Variants in ACAA2 observed in about 807,000 individuals in gnomAD.
ACAA2 encodes 3-ketoacyl-CoA thiolase, mitochondrial.
ACAA2 carries 35 observed loss-of-function variants against 44.8 expected under a neutral mutation model. The observed-to-expected ratio is 0.78, with a 90% CI of 0.60 to 1.04. ACAA2 has a LOEUF of 1.04. Among genes scored for constraint, ACAA2 ranks in the 50% least tolerant of loss-of-function variants. The pLI is 0.00. For synonymous variants in ACAA2, 142 were observed against 166.5 expected, an observed-to-expected ratio of 0.85 and a Z score of 1.13; for missense variants, 468 against 482.6, an observed-to-expected ratio of 0.97 and a Z score of 0.28.
In ACAA2 at chr18:49,789,943, C is replaced by A. The variant is rs575970475; in HGVS notation, c.883+1527G>T. ...CTCCAGCCTGGGTGACAAAGCGAGACTCTGTGTCAAAAACAAAAAACAAAA... is the reference window on the plus strand; with the variant it reads ...CTCCAGCCTGGGTGACAAAGCGAGAATCTGTGTCAAAAACAAAAAACAAAA... On this transcript the variant is annotated intron_variant, in intron 7 of 9. Transcript: ENST00000285093. Among the ~76,000 whole-genome samples the A allele has an allele frequency of 3.3e-5, 5 of 151,190 alleles. No individual in the cohort carries two copies. The South Asian group carries it at 1.0e-3, about 32-fold the overall frequency.
In ACAA2 at chr18:49,791,499, G is replaced by A; in HGVS notation, c.854C>T (p.Ser285Phe). Residue 285 changes from serine to phenylalanine, a missense_variant, in exon 7 of 10, where the codon TCT (serine) becomes TTT (phenylalanine). Coordinates refer to ENST00000285093, the MANE Select transcript of ACAA2 (RefSeq NM_006111.3). ...PLARIVGYFV[S>F]GCDPSIMGIG... ...ACCCATGATAGAGGGATCACATCCA[G>A]ATACAAAGTAGCCCACAATTCTTGC... is the stretch of plus-strand genomic sequence containing the variant. 1 of 1,612,128 alleles carries A rather than the reference G, an allele frequency of 6.2e-7. No homozygotes were observed. The highest frequency in any genetic ancestry group is 8.5e-7 in the Non-Finnish European group (1 of 1,179,770).
intron 7 of ACAA2, among the ~76,000 whole-genome samples, chr18:49,787,690 A>G (rs1030067147): frequency 6.6e-6 from 1 of 152,184 alleles, no homozygotes; most frequent in Admixed American, 6.5e-5. Flanking sequence ...ACCAAGGTGA[A>G]AAGTTGTTTA....
chr18:49,783,994 T>G lies in ACAA2; in HGVS notation c.1110-63A>C, dbSNP rs552185877. On this transcript the variant is annotated intron_variant, in intron 9 of 9. Coordinates refer to ENST00000285093, the MANE Select transcript of ACAA2 (RefSeq NM_006111.3). ...AAAAATCAGATTAATGAAATAGAAC[T>G]AATAACATCACATCTGCATTACTCA... The G allele has an allele frequency of 3.1e-6, 4 of 1,306,560 alleles. No homozygotes were observed. The Admixed American group carries it at 5.2e-5, about 17-fold the overall frequency. 80.9% of individuals were successfully genotyped at this position (1,306,560 alleles called of 1,614,324 possible).
At chr18:49,787,538 A>G (rs1166444830) in intron 7 of ACAA2, among the ~76,000 whole-genome samples, 177 bp from the exon 8 acceptor site, 1 of 152,116 alleles carries the variant, frequency 6.6e-6, no homozygotes, top group African/African-American at 2.4e-5. Context: ...AGAGGCAGAA[A>G]AAGGGCCCAG....
chr18:49,799,613 T>C (rs1398470173), intron 2 of ACAA2, among the ~76,000 whole-genome samples: 2 of 152,230 alleles, frequency 1.3e-5, no homozygotes, highest in East Asian at 1.9e-4. Flanking sequence ...AGTGCCGAGA[T>C]TGCAGCCTCT....
intron 5 of ACAA2, 115 bp downstream of exon 5, chr18:49,794,165 G>A (rs1410123107): frequency 6.4e-6 from 5 of 775,724 alleles, no homozygotes; most frequent in Non-Finnish European, 5.4e-6. Flanking sequence ...ATGAAAAGAT[G>A]TAATAATTCT....
At chr18:49,785,518 A>C (rs977572738) in intron 8 of ACAA2, 167 bp from the exon 9 acceptor site, 32 of 660,296 alleles carry the variant, frequency 4.8e-5, no homozygotes, top group African/African-American at 4.8e-4. Context: ...ATCAGGTTTA[A>C]AATGTGTATA....
At chr18:49,787,413 A>ATATT in intron 7 of ACAA2, 52 bp from the exon 8 acceptor site, 1 of 1,215,942 alleles carries the variant, frequency 8.2e-7, no homozygotes, top group East Asian at 3.0e-5. Context: ...ATGTCATCTT[A>ATATT]TATTTACGTA....
intron 3 of ACAA2, 110 bp from the exon 4 acceptor site, chr18:49,795,991 T>TA: frequency 4.6e-6 from 3 of 653,852 alleles, no homozygotes; most frequent in African/African-American, 1.9e-5. Context: ...TATTGTACTG[T>TA]AGCTTACAGT....
In ACAA2 at chr18:49,787,281, A is replaced by AAAC. The variant is rs771451924; in HGVS notation, c.954+7_954+9dup. 5 of 1,465,368 alleles carry AAAC rather than the reference A, an allele frequency of 3.4e-6. No individual in the cohort carries two copies. The highest frequency in any genetic ancestry group is 4.5e-6 in the Non-Finnish European group (5 of 1,116,112). 90.8% of individuals were successfully genotyped at this position (1,465,368 alleles called of 1,614,324 possible). A position where few individuals can be genotyped will look rare whatever the true frequency, so the allele number is the denominator to read the frequency against. On this transcript the variant is annotated intron_variant, in intron 8 of 9. Transcript: ENST00000285093. ...TTGTTAAAAAAAAAAAAAAAAAAAA[A>AAAC]AACACTTACCTCTACCAAATCCATG...
chr18:49,806,602 A>T (rs1186625100), intron 1 of ACAA2, among the ~76,000 whole-genome samples: 5 of 152,246 alleles, frequency 3.3e-5, no homozygotes, highest in Admixed American at 3.3e-4. Context: ...TCATAATATA[A>T]TTCAAAGTTA....
At chr18:49,784,928 G>A (rs939901313) in intron 9 of ACAA2, among the ~76,000 whole-genome samples, 1 of 152,126 alleles carries the variant, frequency 6.6e-6, no homozygotes, top group Non-Finnish European at 1.5e-5. Context: ...TGCTCATGCA[G>A]TGAACACAAG....
chr18:49,795,437 T>C (rs886259587), intron 4 of ACAA2, among the ~76,000 whole-genome samples: 1 of 152,204 alleles, frequency 6.6e-6, no homozygotes, highest in Non-Finnish European at 1.5e-5. Flanking sequence ...GTAGTGAGAT[T>C]AATTCACTCT....
chr18:49,800,931 A>G (rs1431352153), intron 2 of ACAA2, among the ~76,000 whole-genome samples: 2 of 151,714 alleles, frequency 1.3e-5, no homozygotes, highest in African/African-American at 4.8e-5. Flanking sequence ...CATCATATGT[A>G]AAGTTGAAAG....
Position 49,783,656 on chromosome 18 carries a change from G to A in ACAA2, c.*191C>T, listed in dbSNP as rs1179052186. ...TCATATTTCACTGGTTCAAATCTGA[G>A]AGAATGTACTTCTAGCATGGGCTCC... On this transcript the variant is annotated 3_prime_UTR_variant, in exon 10 of 10. Transcript: ENST00000285093. 3.7e-6 allele frequency: 2 copies of A among 539,512 alleles called. No individual in the cohort carries two copies. Among genetic ancestry groups the A allele is most frequent in the East Asian group, 5.9e-5 (2 of 34,078 alleles). 33.4% of individuals were successfully genotyped at this position (539,512 alleles called of 1,614,324 possible). A position where few individuals can be genotyped will look rare whatever the true frequency, so the allele number is the denominator to read the frequency against.
At chr18:49,793,054 G>A (rs1184545039) in intron 5 of ACAA2, among the ~76,000 whole-genome samples, 1 of 152,004 alleles carries the variant, frequency 6.6e-6, no homozygotes, top group Non-Finnish European at 1.5e-5. Flanking sequence ...GGCAATAAAT[G>A]GACTTAATAC....
chr18:49,801,983 A>G (rs2023555435), intron 2 of ACAA2, among the ~76,000 whole-genome samples: 1 of 152,076 alleles, frequency 6.6e-6, no homozygotes, highest in South Asian at 2.1e-4. Context: ...ACACATAGCA[A>G]GACAGAGGGT....
chr18:49,806,936 A>C (rs1031701955), intron 1 of ACAA2, among the ~76,000 whole-genome samples: 1 of 152,184 alleles, frequency 6.6e-6, no homozygotes, highest in African/African-American at 2.4e-5. Context: ...ACCAATCTGA[A>C]GAACAGATGA....
At chr18:49,790,482 T>C (rs1158155685) in intron 7 of ACAA2, among the ~76,000 whole-genome samples, 1 of 152,142 alleles carries the variant, frequency 6.6e-6, no homozygotes, top group Non-Finnish European at 1.5e-5. Flanking sequence ...GGAACCCACC[T>C]CAGAAAACAA....
Sources: allele counts gnomAD v4.1 joint callset (sites outside exome capture counted in the v4.1 genomes callset), GRCh38; gene constraint gnomAD v4.1.1; transcripts MANE v1.5; gene names NCBI Gene and HGNC (gene_info 2026-07-23, HGNC 2026-07-21).